EML4: variants seen among roughly 807,000 people sequenced by gnomAD.
EML4 encodes echinoderm microtubule-associated protein-like 4.
A neutral mutation model predicts 129.0 loss-of-function variants in EML4; 72 were observed. The observed-to-expected ratio is 0.56, with a 90% CI of 0.46 to 0.68. The LOEUF is 0.68. Among genes scored for constraint, EML4 ranks in the 30% least tolerant of loss-of-function variants. The pLI, the probability that EML4 is intolerant of heterozygous loss-of-function variation, is 0.00. For missense variants in EML4, 1,363 were observed against 1,190.6 expected (o/e 1.14, Z -2.13); for synonymous variants, 532 against 405.0 (o/e 1.31, Z -3.77).
At chr2:42,265,062 C>G (rs998265032) in intron 6 of EML4, 2 of 1,039,114 alleles carry the variant, frequency 1.9e-6, no homozygotes, top group African/African-American at 3.2e-5. Context: ...AAAGGAAATA[C>G]AGTGATTTGA....
intron 17 of EML4, among the ~76,000 whole-genome samples, chr2:42,305,581 T>C (rs903040924): frequency 4.6e-5 from 7 of 152,240 alleles, no homozygotes; most frequent in African/African-American, 1.2e-4. Flanking sequence ...TAAAATAATT[T>C]AAGACCTGTC....
At chr2:42,178,430 G>C (rs1345563584) in intron 1 of EML4, among the ~76,000 whole-genome samples, 1 of 151,808 alleles carries the variant, frequency 6.6e-6, no homozygotes, top group African/African-American at 2.4e-5. Context: ...TGCATGCCCA[G>C]CTCCTTGAGA....
chr2:42,236,050 T>A (rs1004359714), intron 1 of EML4, among the ~76,000 whole-genome samples: 1 of 152,224 alleles, frequency 6.6e-6, no homozygotes, highest in Non-Finnish European at 1.5e-5. Context: ...TGTGTGAGTG[T>A]CTCACTGTCC....
At chr2:42,314,848 C>G (rs190216427) in intron 17 of EML4, among the ~76,000 whole-genome samples, 1 of 152,192 alleles carries the variant, frequency 6.6e-6, no homozygotes, top group African/African-American at 2.4e-5. Flanking sequence ...AGTACCCATC[C>G]TTTCCTTCAA....
chr2:42,214,943 C>T (rs142346573), intron 1 of EML4, among the ~76,000 whole-genome samples: 1 of 152,120 alleles, frequency 6.6e-6, no homozygotes, highest in Non-Finnish European at 1.5e-5. Flanking sequence ...AGTCACAAGG[C>T]CAGCCTAGAT....
At chr2:42,259,888 C>T (rs112361652) in intron 3 of EML4, among the ~76,000 whole-genome samples, 1 of 151,772 alleles carries the variant, frequency 6.6e-6, no homozygotes, top group Non-Finnish European at 1.5e-5. Context: ...CACCACCACA[C>T]CCAGCTAATT....
At chr2:42,179,055 A>G (rs1254626695) in intron 1 of EML4, among the ~76,000 whole-genome samples, 3 of 152,194 alleles carry the variant, frequency 2.0e-5, no homozygotes, top group South Asian at 2.1e-4. Context: ...CAGTAACTCA[A>G]TATGGTGGTG....
In EML4 at chr2:42,306,484, C is replaced by CTTTTTTTTTTTTTTTTTTTTTTTTTTTTT. The variant is rs375707062; in HGVS notation, c.1967+1959_1967+1960insTTTTTTTTTTTTTTTTTTTTTTTTTTTTT. 1.7e-4 allele frequency among the ~76,000 whole-genome samples: 13 copies of CTTTTTTTTTTTTTTTTTTTTTTTTTTTTT among 74,604 alleles called. 4 individuals carry two copies. Among genetic ancestry groups the CTTTTTTTTTTTTTTTTTTTTTTTTTTTTT allele is most frequent in the Admixed American group, 3.1e-4 (2 of 6,466 alleles). 48.9% of individuals were successfully genotyped at this position (74,604 alleles called of 152,430 possible). ...GTGTCTGATGACCTTGTGCTAAATC[C>CTTTTTTTTTTTTTTTTTTTTTTTTTTTTT]TTTTTTTTTTTTTTTTTTTTTTTTT... On this transcript the variant is annotated intron_variant, in intron 17 of 22. Coordinates refer to ENST00000318522, the MANE Select transcript of EML4 (RefSeq NM_019063.5).
At chr2:42,318,405 C>T (rs80355905) in intron 19 of EML4, among the ~76,000 whole-genome samples, 2 of 152,118 alleles carry the variant, frequency 1.3e-5, no homozygotes, top group Non-Finnish European at 2.9e-5. Context: ...AGGCCATGTA[C>T]TATTTGAGGA....
At chr2:42,192,589 A>G (rs1487284402) in intron 1 of EML4, among the ~76,000 whole-genome samples, 1 of 151,982 alleles carries the variant, frequency 6.6e-6, no homozygotes, top group Admixed American at 6.6e-5. Context: ...AGTCCCTCAA[A>G]TACTAGAGTC....
chr2:42,304,766 A>C (rs540864590), intron 17 of EML4, among the ~76,000 whole-genome samples: 1 of 152,338 alleles, frequency 6.6e-6, no homozygotes, highest in East Asian at 1.9e-4. Context: ...TTCAGAATAC[A>C]TCAGAAAACA....
At chr2:42,276,636 A>C (rs531058053) in intron 6 of EML4, among the ~76,000 whole-genome samples, 3 of 152,228 alleles carry the variant, frequency 2.0e-5, no homozygotes, top group Non-Finnish European at 4.4e-5. Flanking sequence ...TAAATATGTC[A>C]ATAACCTCAT....
intron 11 of EML4, among the ~76,000 whole-genome samples, chr2:42,290,871 G>C (rs1041557119): frequency 6.6e-6 from 1 of 152,176 alleles, no homozygotes; most frequent in Admixed American, 6.5e-5. Flanking sequence ...TGCATATTGA[G>C]CTATATATAC....
At chr2:42,246,801 A>G (rs1358511722) in intron 2 of EML4, among the ~76,000 whole-genome samples, 1 of 152,222 alleles carries the variant, frequency 6.6e-6, no homozygotes, top group East Asian at 1.9e-4. Flanking sequence ...AAAGTGATGC[A>G]CATTGCCAGC....
intron 1 of EML4, among the ~76,000 whole-genome samples, chr2:42,172,867 T>A (rs1670359061): frequency 6.6e-6 from 1 of 152,192 alleles, no homozygotes; most frequent in African/African-American, 2.4e-5. Flanking sequence ...CTTTTTAGAA[T>A]CTCTTTCATA....
chr2:42,207,624 G>C (rs895596668), intron 1 of EML4, among the ~76,000 whole-genome samples: 1 of 152,118 alleles, frequency 6.6e-6, no homozygotes, highest in Non-Finnish European at 1.5e-5. Flanking sequence ...ACTTATGAGG[G>C]CCAGAGGAGC....
intron 2 of EML4, among the ~76,000 whole-genome samples, chr2:42,249,561 A>C (rs1253802538): frequency 6.6e-6 from 1 of 152,212 alleles, no homozygotes; most frequent in Non-Finnish European, 1.5e-5. Flanking sequence ...TTGTCATCAG[A>C]TATGACCAAA....
At chr2:42,300,497 C>T (rs1475974357) in intron 13 of EML4, among the ~76,000 whole-genome samples, 1 of 152,180 alleles carries the variant, frequency 6.6e-6, no homozygotes. Context: ...TACAAGAAAA[C>T]TGGGCTGTTA....
At chr2:42,279,862 C>G (rs1358923734) in intron 6 of EML4, among the ~76,000 whole-genome samples, 1 of 151,912 alleles carries the variant, frequency 6.6e-6, no homozygotes, top group Non-Finnish European at 1.5e-5. Flanking sequence ...CTGCATTTCT[C>G]TGATGATTAG....
Sources: allele counts gnomAD v4.1 joint callset (sites outside exome capture counted in the v4.1 genomes callset), GRCh38; gene constraint gnomAD v4.1.1; transcripts MANE v1.5; gene names NCBI Gene and HGNC (gene_info 2026-07-23, HGNC 2026-07-21).